The following IQSEC1 variants were observed in gnomAD, a reference collection of about 807,000 sequenced individuals.
The protein encoded by IQSEC1 is IQ motif and Sec7 domain ArfGEF 1.
In IQSEC1, 31 loss-of-function variants were observed where a neutral mutation model predicts 91.0. The ratio of observed to expected loss-of-function variants is 0.34; its 90% CI spans 0.26 to 0.46. IQSEC1 has a LOEUF of 0.46. Ranked by LOEUF, IQSEC1 falls within the 20% of genes least tolerant of loss-of-function variation. IQSEC1 has a pLI of 1.00. For synonymous variants in IQSEC1, 699 were observed against 662.6 expected, an observed-to-expected ratio of 1.05 and a Z score of -0.84; for missense variants, 1,388 against 1,575.6, an observed-to-expected ratio of 0.88 and a Z score of 2.02.
intron 9 of IQSEC1, among the ~76,000 whole-genome samples, chr3:12,912,642 G>A (rs936608037): frequency 3.1e-5 from 4 of 130,692 alleles, no homozygotes; most frequent in African/African-American, 9.0e-5. Context: ...CCGCAGTCCC[G>A]CCTGGGCGAC....
chr3:13,023,767 C>A (rs762082018), intron 1 of IQSEC1, among the ~76,000 whole-genome samples: 1 of 152,234 alleles, frequency 6.6e-6, no homozygotes, highest in Non-Finnish European at 1.5e-5. Flanking sequence ...TAGGTTTCTA[C>A]AAAGGCTGTG....
At chr3:13,014,340 C>T (rs1703019419) in intron 1 of IQSEC1, among the ~76,000 whole-genome samples, 1 of 152,220 alleles carries the variant, frequency 6.6e-6, no homozygotes, top group East Asian at 1.9e-4. Context: ...GGAGGACTTT[C>T]GCTATGGGTT....
chr3:12,952,152 A>G (rs981923742), intron 1 of IQSEC1, among the ~76,000 whole-genome samples: 1 of 152,178 alleles, frequency 6.6e-6, no homozygotes, highest in African/African-American at 2.4e-5. Context: ...CCCAGTTCCC[A>G]GGTTTGGAGA....
intron 1 of IQSEC1, among the ~76,000 whole-genome samples, chr3:13,066,423 G>T (rs138763746): frequency 6.6e-6 from 1 of 152,250 alleles, no homozygotes; most frequent in Non-Finnish European, 1.5e-5. Flanking sequence ...GACTCGCCAC[G>T]CGCCATGCGG....
chr3:13,106,186 T>C (rs555204063), intron 2 of IQSEC1, among the ~76,000 whole-genome samples: 1 of 152,156 alleles, frequency 6.6e-6, no homozygotes, highest in East Asian at 1.9e-4. Flanking sequence ...TTCCATAATC[T>C]CAGCCTGGGA....
intron 2 of IQSEC1, among the ~76,000 whole-genome samples, chr3:13,135,272 G>GCCA (rs1706688605): frequency 6.6e-6 from 1 of 152,248 alleles, no homozygotes; most frequent in Non-Finnish European, 1.5e-5. Context: ...AAGGGACTGA[G>GCCA]CCACAGTCAT....
chr3:13,199,014 T>A (rs760767086), intron 1 of IQSEC1, among the ~76,000 whole-genome samples: 10 of 152,196 alleles, frequency 6.6e-5, no homozygotes, highest in Non-Finnish European at 1.5e-4. Context: ...ATGTTTTAAC[T>A]TGCTTCCATA....
chr3:13,070,039 C>G (rs940086859), intron 1 of IQSEC1, among the ~76,000 whole-genome samples: 21 of 151,752 alleles, frequency 1.4e-4, no homozygotes, highest in African/African-American at 4.8e-4. Flanking sequence ...TGGGTGCACA[C>G]CAGGGGCCCA....
intron 1 of IQSEC1, among the ~76,000 whole-genome samples, chr3:13,244,325 T>A (rs981047409): frequency 4.6e-5 from 7 of 152,196 alleles, no homozygotes; most frequent in Admixed American, 3.3e-4. Flanking sequence ...CCTTAGCAAC[T>A]GATAATTTAA....
At chr3:13,152,031 T>C (rs1296836364) in intron 2 of IQSEC1, among the ~76,000 whole-genome samples, 2 of 152,094 alleles carry the variant, frequency 1.3e-5, no homozygotes, top group Non-Finnish European at 2.9e-5. Context: ...TCCTCATAAG[T>C]CAGACTCCCC....
rs940075125 is a variant in IQSEC1 at position 12,957,902 on chromosome 3, T to C, written c.24-16037A>G. On this transcript the variant is annotated intron_variant, in intron 1 of 13. Coordinates refer to ENST00000613206, the MANE Select transcript of IQSEC1 (RefSeq NM_001134382.3). ...CATCACCAGGGTCCACAGTCTACAT[T>C]CGGCTCCACACTTGGTGTTGTAAAC... Among the ~76,000 whole-genome samples the C allele has an allele frequency of 3.3e-5, 5 of 152,192 alleles. No homozygotes were observed. In the East Asian group the frequency reaches 9.6e-4, roughly 29 times the overall value.
chr3:13,195,410 C>T (rs1343184433), intron 1 of IQSEC1, among the ~76,000 whole-genome samples: 1 of 152,162 alleles, frequency 6.6e-6, no homozygotes, highest in African/African-American at 2.4e-5. Flanking sequence ...GTACAGCCTC[C>T]GTGGCAAACA....
chr3:13,115,654 G>A (rs1706323079), intron 2 of IQSEC1, among the ~76,000 whole-genome samples: 1 of 152,230 alleles, frequency 6.6e-6, no homozygotes, highest in Non-Finnish European at 1.5e-5. Flanking sequence ...CTGTCAGAAC[G>A]TTCTGGCCCC....
chr3:12,942,422 G>GA (rs200632806), intron 1 of IQSEC1, among the ~76,000 whole-genome samples: 4,719 of 152,044 alleles, frequency 0.031, 232 homozygotes, highest in African/African-American at 0.11. Context: ...CTAACACGGC[G>GA]AAACCCTGTC....
At chr3:13,101,671 AGTCCTGTTTTGGCTGT>A (rs1459105019) in intron 2 of IQSEC1, among the ~76,000 whole-genome samples, 1 of 152,028 alleles carries the variant, frequency 6.6e-6, no homozygotes, top group Admixed American at 6.6e-5. Context: ...AGAGACTCAG[AGTCCTGTTTTGGCTGT>A]GTCCAGTATG....
intron 1 of IQSEC1, among the ~76,000 whole-genome samples, chr3:13,172,501 C>T (rs539590804): frequency 1.3e-5 from 2 of 152,248 alleles, no homozygotes; most frequent in South Asian, 2.1e-4. Context: ...ATAAAAATAA[C>T]GTTCCTGAAA....
Position 12,901,451 on chromosome 3 carries a change from G to T in IQSEC1, c.2877C>A (p.His959Gln). ...TSTRECPSRP[H>Q]QTMPNSSSLL... is the part of the protein sequence containing the mutation. ...GGGAAGATGAGTTGGGCATAGTCTG[G>T]TGTGGGCGAGATGGACACTCTCGTG... is the stretch of plus-strand genomic sequence containing the variant. Residue 959 changes from histidine to glutamine, a missense_variant, in exon 14 of 14, where the codon CAC (histidine) becomes CAA (glutamine). Physicochemically the swap from His to Gln is conservative, Grantham distance 24 (BLOSUM62 0). Coordinates refer to ENST00000613206, the MANE Select transcript of IQSEC1 (RefSeq NM_001134382.3). 6.5e-7 allele frequency: 1 copy of T among 1,549,158 alleles called. No individual in the cohort carries two copies. Among genetic ancestry groups the T allele is most frequent in the Non-Finnish European group, 8.7e-7 (1 of 1,146,760 alleles).
intron 1 of IQSEC1, among the ~76,000 whole-genome samples, chr3:13,055,089 C>T (rs1477355896): frequency 6.6e-6 from 1 of 152,270 alleles, no homozygotes; most frequent in Admixed American, 6.5e-5. Context: ...CCACAGACCG[C>T]CCTGCCTGCG....
intron 1 of IQSEC1, among the ~76,000 whole-genome samples, chr3:12,975,474 C>T (rs1366771480): frequency 2.0e-5 from 3 of 152,234 alleles, no homozygotes; most frequent in African/African-American, 7.2e-5. Flanking sequence ...TCCTCAACAA[C>T]CTTCCATTTT....
Sources: gnomAD v4.1 joint callset for allele counts (sites outside exome capture counted in the v4.1 genomes callset) on GRCh38, gnomAD v4.1.1 for gene constraint, MANE v1.5 for transcripts, NCBI Gene and HGNC (gene_info 2026-07-23, HGNC 2026-07-21) for gene names.